Variants in SYNDIG1 observed in about 807,000 individuals in gnomAD.
The protein encoded by SYNDIG1 is synapse differentiation-inducing gene protein 1.
In SYNDIG1, 9 loss-of-function variants were observed where a neutral mutation model predicts 19.4. That is an observed-to-expected ratio of 0.46 (90% confidence interval 0.28 to 0.81). The LOEUF (loss-of-function observed/expected upper bound fraction) is 0.81, where lower values mean the gene tolerates loss of function less well. Ranked by LOEUF, SYNDIG1 falls within the 30% of genes least tolerant of loss-of-function variation. The pLI, the probability that SYNDIG1 is intolerant of heterozygous loss-of-function variation, is 0.12. For missense variants in SYNDIG1, 311 were observed against 343.3 expected (o/e 0.91, Z 0.74); for synonymous variants, 141 against 145.9 (o/e 0.97, Z 0.24).
chr20:24,583,317 T>C (rs2058360786), intron 2 of SYNDIG1, among the ~76,000 whole-genome samples: 1 of 152,090 alleles, frequency 6.6e-6, no homozygotes, highest in African/African-American at 2.4e-5. Flanking sequence ...CTTCACAGGG[T>C]CTGTCTGGAA....
chr20:24,595,029 G>C (rs556513282), intron 3 of SYNDIG1, among the ~76,000 whole-genome samples: 2 of 152,198 alleles, frequency 1.3e-5, no homozygotes, highest in South Asian at 4.1e-4. Context: ...GATTGTTCTG[G>C]CTAGGACTTC....
chr20:24,597,622 A>T (rs1280798774), intron 3 of SYNDIG1, among the ~76,000 whole-genome samples: 2 of 152,182 alleles, frequency 1.3e-5, no homozygotes, highest in Non-Finnish European at 2.9e-5. Context: ...ATCTGAGTCC[A>T]TCAACTCAAC....
chr20:24,643,939 C>T (rs544303958), intron 3 of SYNDIG1, among the ~76,000 whole-genome samples: 18 of 152,308 alleles, frequency 1.2e-4, no homozygotes, highest in African/African-American at 3.9e-4. Context: ...GAAAAACAGA[C>T]ACATCATCAA....
intron 3 of SYNDIG1, among the ~76,000 whole-genome samples, chr20:24,627,791 G>A (rs2059173438): frequency 6.6e-6 from 1 of 152,242 alleles, no homozygotes; most frequent in Non-Finnish European, 1.5e-5. Flanking sequence ...GAACAAGGTT[G>A]GGGGAACCCT....
intron 1 of SYNDIG1, among the ~76,000 whole-genome samples, chr20:24,539,566 C>T (rs1291202009): frequency 6.6e-6 from 1 of 152,114 alleles, no homozygotes; most frequent in African/African-American, 2.4e-5. Flanking sequence ...GCCTGAGCTC[C>T]TTGAGATTCC....
At chr20:24,618,314 A>G (rs2058980391) in intron 3 of SYNDIG1, among the ~76,000 whole-genome samples, 1 of 105,828 alleles carries the variant, frequency 9.4e-6, no homozygotes, top group Non-Finnish European at 1.9e-5. Context: ...GGGAGAGCCC[A>G]GTGAGGGCAG....
chr20:24,587,396 C>T (rs146189219), intron 3 of SYNDIG1, among the ~76,000 whole-genome samples: 5 of 152,340 alleles, frequency 3.3e-5, no homozygotes, highest in Non-Finnish European at 7.4e-5. Context: ...TCCCAGGCAG[C>T]TCCCCTCAGT....
chr20:24,564,343 C>G (rs1314250814), intron 2 of SYNDIG1, among the ~76,000 whole-genome samples: 4 of 152,118 alleles, frequency 2.6e-5, no homozygotes, highest in African/African-American at 9.7e-5. Context: ...CAAAGGTGAG[C>G]CCAGCTTTTA....
intron 1 of SYNDIG1, among the ~76,000 whole-genome samples, chr20:24,498,257 A>G (rs2056349151): frequency 6.6e-6 from 1 of 152,198 alleles, no homozygotes; most frequent in Non-Finnish European, 1.5e-5. Context: ...CATCACTTCC[A>G]AAAGCTTCCT....
chr20:24,471,568 G>A (rs1462399209), intron 1 of SYNDIG1, among the ~76,000 whole-genome samples: 1 of 130,136 alleles, frequency 7.7e-6, no homozygotes, highest in Non-Finnish European at 1.6e-5. Flanking sequence ...TTTCCTGCCT[G>A]AAAACGGAAT....
chr20:24,549,593 G>T (rs2057663616), intron 2 of SYNDIG1, among the ~76,000 whole-genome samples: 1 of 152,122 alleles, frequency 6.6e-6, no homozygotes, highest in Non-Finnish European at 1.5e-5. Context: ...AGTGTCTAGG[G>T]GTGGGTGACT....
intron 3 of SYNDIG1, among the ~76,000 whole-genome samples, chr20:24,654,996 G>T (rs752558986): frequency 6.6e-6 from 1 of 152,148 alleles, no homozygotes; most frequent in African/African-American, 2.4e-5. Flanking sequence ...TGCCACCCAC[G>T]CATGATGTTC....
intron 3 of SYNDIG1, among the ~76,000 whole-genome samples, chr20:24,613,583 C>T (rs1371993308): frequency 3.3e-5 from 5 of 152,114 alleles, no homozygotes; most frequent in Admixed American, 6.5e-5. Flanking sequence ...GCACCCCCTG[C>T]CTTGGCACCT....
chr20:24,646,045 T>C (rs1343399258), intron 3 of SYNDIG1, among the ~76,000 whole-genome samples: 1 of 152,164 alleles, frequency 6.6e-6, no homozygotes, highest in African/African-American at 2.4e-5. Flanking sequence ...AGCTGGAGCA[T>C]GCACTTGCCC....
At chr20:24,523,069 A>G (rs183511438) in intron 1 of SYNDIG1, among the ~76,000 whole-genome samples, 41 of 152,280 alleles carry the variant, frequency 2.7e-4, no homozygotes, top group African/African-American at 7.9e-4. Context: ...TCACTTTCCT[A>G]TTGAGGTTGG....
At chr20:24,534,490 C>G (rs115949159) in intron 1 of SYNDIG1, among the ~76,000 whole-genome samples, 3,651 of 152,310 alleles carry the variant, frequency 0.024, 130 homozygotes, top group African/African-American at 0.083. Context: ...GCCCAGTGTG[C>G]TGGGCAGGGA....
chr20:24,513,110 C>A (rs1368231913), intron 1 of SYNDIG1, among the ~76,000 whole-genome samples: 1 of 152,154 alleles, frequency 6.6e-6, no homozygotes. Context: ...GACTTCCACA[C>A]CAAAACCCCA....
intron 3 of SYNDIG1, among the ~76,000 whole-genome samples, chr20:24,616,110 A>G (rs1396052467): frequency 6.6e-6 from 1 of 152,152 alleles, no homozygotes; most frequent in African/African-American, 2.4e-5. Flanking sequence ...AAAAATGCAA[A>G]CCCAAATGTT....
chr20:24,605,371 G>C (rs1011444519), intron 3 of SYNDIG1, among the ~76,000 whole-genome samples: 1 of 152,188 alleles, frequency 6.6e-6, no homozygotes, highest in African/African-American at 2.4e-5. Context: ...ATTTTAACTT[G>C]TATCAGGGAA....
Sources: gnomAD v4.1 joint callset for allele counts (sites outside exome capture counted in the v4.1 genomes callset) on GRCh38, gnomAD v4.1.1 for gene constraint, MANE v1.5 for transcripts, NCBI Gene and HGNC (gene_info 2026-07-23, HGNC 2026-07-21) for gene names.